Variants in PPP2R2B observed in about 807,000 individuals in gnomAD.
The protein encoded by PPP2R2B is protein phosphatase 2 regulatory subunit Bbeta.
PPP2R2B carries 5 observed loss-of-function variants against 46.0 expected under a neutral mutation model. The ratio of observed to expected loss-of-function variants is 0.11; its 90% CI spans 0.06 to 0.23. The LOEUF (loss-of-function observed/expected upper bound fraction) is 0.23, where lower values mean the gene tolerates loss of function less well. Among genes scored for constraint, PPP2R2B ranks in the 10% least tolerant of loss-of-function variants. The pLI, the probability that PPP2R2B is intolerant of heterozygous loss-of-function variation, is 1.00. For missense variants in PPP2R2B, 367 were observed against 575.0 expected (o/e 0.64, Z 3.70); for synonymous variants, 215 against 206.7 (o/e 1.04, Z -0.34).
chr5:146,983,753 G>T (rs1753297332), intron 1 of PPP2R2B, among the ~76,000 whole-genome samples: 1 of 151,968 alleles, frequency 6.6e-6, no homozygotes. Flanking sequence ...AAGAAAATCT[G>T]TTGTATTTAC....
At position 146,814,783 on chromosome 5, in the gene PPP2R2B, A is replaced by T. The variant is rs568770033; in HGVS notation, c.70+63219T>A. 1.8e-4 allele frequency among the ~76,000 whole-genome samples: 28 copies of T among 152,334 alleles called. 1 individual carries two copies. The South Asian group carries it at 3.5e-3, about 19-fold the overall frequency. On this transcript the variant is annotated intron_variant, in intron 2 of 9. Coordinates refer to ENST00000394411, the MANE Select transcript of PPP2R2B (RefSeq NM_181675.4). Reference sequence around the variant, plus strand: ...CCCAAGGGAAGAATCAGGAAAGAACATAAGACCCCAGAGGTATGACAACAT... The same window carrying T: ...CCCAAGGGAAGAATCAGGAAAGAACTTAAGACCCCAGAGGTATGACAACAT...
chr5:146,682,090 T>C (rs1778211055), intron 5 of PPP2R2B, among the ~76,000 whole-genome samples: 1 of 152,178 alleles, frequency 6.6e-6, no homozygotes, highest in African/African-American at 2.4e-5. Context: ...AAACCAGGTA[T>C]AGGGTTCTGC....
chr5:146,604,959 A>C (rs553084371), intron 7 of PPP2R2B, among the ~76,000 whole-genome samples: 38 of 151,874 alleles, frequency 2.5e-4, no homozygotes, highest in Non-Finnish European at 4.4e-4. Context: ...GTTGCTCCTC[A>C]CCTCTTCCTG....
intron 1 of PPP2R2B, among the ~76,000 whole-genome samples, chr5:146,906,425 T>C (rs963898526): frequency 1.3e-5 from 2 of 152,058 alleles, no homozygotes; most frequent in African/African-American, 4.8e-5. Context: ...TGGGTTCAAG[T>C]GATTCTCCTG....
chr5:146,766,656 A>C (rs73793263), intron 2 of PPP2R2B, among the ~76,000 whole-genome samples: 3,017 of 152,304 alleles, frequency 0.02, 104 homozygotes, highest in African/African-American at 0.069. Flanking sequence ...AAACAGGCTC[A>C]GAGAGGTTAA....
chr5:147,068,956 C>T (rs1757493209), intron 2 of PPP2R2B, among the ~76,000 whole-genome samples: 1 of 152,048 alleles, frequency 6.6e-6, no homozygotes, highest in Non-Finnish European at 1.5e-5. Flanking sequence ...ACTCATGAAA[C>T]AATAGATGAT....
intron 2 of PPP2R2B, among the ~76,000 whole-genome samples, chr5:146,761,150 C>T (rs1054846118): frequency 2.6e-5 from 4 of 152,148 alleles, no homozygotes; most frequent in Non-Finnish European, 5.9e-5. Flanking sequence ...TTGACCCAGC[C>T]ATCCCATTAC....
intron 1 of PPP2R2B, among the ~76,000 whole-genome samples, chr5:146,918,779 C>T (rs1273149660): frequency 6.6e-6 from 1 of 152,176 alleles, no homozygotes; most frequent in Non-Finnish European, 1.5e-5. Context: ...TATCTCATAC[C>T]TCCCTTTAAG....
At position 147,069,783 on chromosome 5, in the gene PPP2R2B, C is replaced by CTTTTT. The variant is rs1561611794; in HGVS notation, c.50+11275_50+11276insAAAAA. 4.8e-4 allele frequency among the ~76,000 whole-genome samples: 23 copies of CTTTTT among 48,410 alleles called. 1 individual carries two copies. The highest frequency in any genetic ancestry group is 1.3e-3 in the South Asian group (2 of 1,566). 31.8% of individuals were successfully genotyped at this position (48,410 alleles called of 152,430 possible). A position where few individuals can be genotyped will look rare whatever the true frequency, so the allele number is the denominator to read the frequency against. The stretch of plus-strand genomic sequence containing the variant: ...CACTCCCACATGAACACATTTTATA[C>CTTTTT]TGTTTTTTTTTTTTTTTTTTTTTTT... On this transcript the variant is annotated intron_variant, in intron 2 of 10. Transcript: ENST00000394413.
At chr5:146,632,297 G>T (rs1774495820) in intron 7 of PPP2R2B, among the ~76,000 whole-genome samples, 1 of 152,134 alleles carries the variant, frequency 6.6e-6, no homozygotes, top group Non-Finnish European at 1.5e-5. Context: ...AGAGCAGTGT[G>T]GAACTGATCC....
chr5:146,738,756 G>C (rs1752694861), intron 2 of PPP2R2B, among the ~76,000 whole-genome samples: 1 of 152,096 alleles, frequency 6.6e-6, no homozygotes, highest in South Asian at 2.1e-4. Flanking sequence ...TTCTCAGGGA[G>C]GATATAGGTA....
At chr5:146,815,130 T>C (rs1166998778) in intron 2 of PPP2R2B, among the ~76,000 whole-genome samples, 1 of 152,226 alleles carries the variant, frequency 6.6e-6, no homozygotes, top group East Asian at 1.9e-4. Context: ...CCCTGAAGGA[T>C]GTGCATGCTG....
At chr5:146,625,124 TTC>T (rs1238098584) in intron 7 of PPP2R2B, among the ~76,000 whole-genome samples, 1 of 152,268 alleles carries the variant, frequency 6.6e-6, no homozygotes, top group Non-Finnish European at 1.5e-5. Context: ...CTTCATGGAC[TTC>T]TCTTTCTTTT....
intron 7 of PPP2R2B, among the ~76,000 whole-genome samples, chr5:146,602,594 G>A (rs1771886693): frequency 6.6e-6 from 1 of 152,126 alleles, no homozygotes; most frequent in Non-Finnish European, 1.5e-5. Context: ...CCTGCTCAAT[G>A]CACTCGCATA....
chr5:146,723,355 A>T (rs1751645772), intron 2 of PPP2R2B, among the ~76,000 whole-genome samples: 3 of 152,146 alleles, frequency 2.0e-5, no homozygotes, highest in Admixed American at 2.0e-4. Context: ...TCATAGTGTC[A>T]TTTTAAGAAA....
At chr5:147,001,381 G>A (rs1463316175) in intron 1 of PPP2R2B, among the ~76,000 whole-genome samples, 1 of 152,078 alleles carries the variant, frequency 6.6e-6, no homozygotes, top group Non-Finnish European at 1.5e-5. Flanking sequence ...GAACCCACCA[G>A]GAGGAAGAAA....
At chr5:146,950,360 T>C (rs1764613837) in intron 1 of PPP2R2B, among the ~76,000 whole-genome samples, 1 of 152,012 alleles carries the variant, frequency 6.6e-6, no homozygotes, top group South Asian at 2.1e-4. Context: ...AAAAAATGAA[T>C]AGCTTTGCTG....
At chr5:146,666,664 T>G (rs1776996178) in intron 5 of PPP2R2B, among the ~76,000 whole-genome samples, 1 of 152,204 alleles carries the variant, frequency 6.6e-6, no homozygotes, top group South Asian at 2.1e-4. Flanking sequence ...TCCACTTTCA[T>G]AGATTATACC....
intron 1 of PPP2R2B, among the ~76,000 whole-genome samples, chr5:146,921,747 T>C (rs1363044776): frequency 6.6e-6 from 1 of 152,144 alleles, no homozygotes; most frequent in Non-Finnish European, 1.5e-5. Context: ...CTGACACTCA[T>C]TACCTGTACA....
Sources: allele counts gnomAD v4.1 joint callset (sites outside exome capture counted in the v4.1 genomes callset), GRCh38; gene constraint gnomAD v4.1.1; transcripts MANE v1.5; gene names NCBI Gene and HGNC (gene_info 2026-07-23, HGNC 2026-07-21).